Variants in POC1B observed in about 807,000 individuals in gnomAD.
POC1B encodes POC1 centriolar protein B, also known as POC1 centriolar protein homolog B.
POC1B carries 44 observed loss-of-function variants against 60.6 expected under a neutral mutation model. The ratio of observed to expected loss-of-function variants is 0.73; its 90% CI spans 0.57 to 0.93. POC1B has a LOEUF of 0.93. Among genes scored for constraint, POC1B ranks in the 40% least tolerant of loss-of-function variants. The pLI is 0.00. For synonymous variants in POC1B, 180 were observed against 198.9 expected (o/e 0.90, Z 0.80); for missense variants, 555 against 572.3 (o/e 0.97, Z 0.31).
chr12:89,424,288 T>C (rs922388066), intron 11 of POC1B, among the ~76,000 whole-genome samples: 1 of 152,210 alleles, frequency 6.6e-6, no homozygotes, highest in Non-Finnish European at 1.5e-5. Context: ...CCCAGACCAA[T>C]GGAAATGGAC....
chr12:89,481,483 T>G, intron 4 of POC1B, among the ~76,000 whole-genome samples: 1 of 152,114 alleles, frequency 6.6e-6, no homozygotes, highest in South Asian at 2.1e-4. Context: ...TAAATCTTAG[T>G]ACATGGAAGT....
chr12:89,506,136 C>T (rs963455064), intron 2 of POC1B, among the ~76,000 whole-genome samples: 1 of 152,158 alleles, frequency 6.6e-6, no homozygotes, highest in African/African-American at 2.4e-5. Flanking sequence ...ATATACCCCG[C>T]CTGGAGCCCA....
chr12:89,414,897 G>A (rs1453252058), downstream of POC1B, among the ~76,000 whole-genome samples: 1 of 152,150 alleles, frequency 6.6e-6, no homozygotes, highest in Non-Finnish European at 1.5e-5. Flanking sequence ...TTAAGTGAGG[G>A]TCCGTACTAT....
rs1277765668 is a variant in POC1B, at chr12:89,500,783, A to T, written c.101-3441T>A. ...AAATAGATAATAAAGTATCAGATAAAGAGGATAAAACATCAGAAGGACAAG... is the reference window on the plus strand; with the variant it reads ...AAATAGATAATAAAGTATCAGATAATGAGGATAAAACATCAGAAGGACAAG... On this transcript the variant is annotated intron_variant, in intron 2 of 11. Coordinates refer to ENST00000313546, the MANE Select transcript of POC1B (RefSeq NM_172240.3). 6.8e-6 allele frequency: 7 copies of T among 1,023,496 alleles called. No individual in the cohort carries two copies. The Admixed American group carries it at 1.3e-4, about 19-fold the overall frequency. 63.4% of individuals were successfully genotyped at this position (1,023,496 alleles called of 1,614,324 possible).
At chr12:89,466,626 T>C (rs918308261) in intron 9 of POC1B, 144 bp downstream of exon 9, 15 of 713,296 alleles carry the variant, frequency 2.1e-5, no homozygotes, top group East Asian at 2.0e-4. Flanking sequence ...TTACACACTA[T>C]AGTGAAAACA....
chr12:89,512,915 G>A (rs1870256409), intron 2 of POC1B, among the ~76,000 whole-genome samples: 1 of 152,138 alleles, frequency 6.6e-6, no homozygotes, highest in South Asian at 2.1e-4. Context: ...CCAAAGCCTA[G>A]GCTTTTAACC....
chr12:89,451,590 A>G (rs1882042382), intron 10 of POC1B, among the ~76,000 whole-genome samples: 1 of 152,226 alleles, frequency 6.6e-6, no homozygotes. Context: ...AAGACATGGA[A>G]AGAACTAGGC....
intron 10 of POC1B, chr12:89,426,971 TC>T (rs1485705503): frequency 1.3e-5 from 2 of 152,120 alleles, no homozygotes; most frequent in African/African-American, 4.8e-5. Flanking sequence ...ATGGCAATAC[TC>T]CCCACATTGA....
Position 89,420,360 on chromosome 12 carries a change from C to G in POC1B, c.*793G>C, listed in dbSNP as rs1880479255. 1 of 152,144 alleles carries G rather than the reference C, an allele frequency of 6.6e-6. No individual in the cohort carries two copies. Among genetic ancestry groups the G allele is most frequent in the Non-Finnish European group, 1.5e-5 (1 of 68,014 alleles). The allele number at this position is 152,144 out of a possible 1,614,324, so 9.4% of individuals were successfully genotyped here. A position where few individuals can be genotyped will look rare whatever the true frequency, so the allele number is the denominator to read the frequency against. ...CATGTGTGTATATTTTTAAATATCACTTTTGTATCACTCTGACTTTTTAGC... is the reference window on the plus strand; with the variant it reads ...CATGTGTGTATATTTTTAAATATCAGTTTTGTATCACTCTGACTTTTTAGC... On this transcript the variant is annotated 3_prime_UTR_variant, in exon 12 of 12. Transcript: ENST00000313546.
rs533283919 is a variant in POC1B at position 89,452,685 on chromosome 12, T to C, written c.1113+6953A>G. On this transcript the variant is annotated intron_variant, in intron 10 of 11. Transcript: ENST00000313546. ...TTATTACTATTTTTATTAAAAAGCA[T>C]ATTTTATTTGAAGGGGGGGAAAAGA... Among the ~76,000 whole-genome samples, 26 of 152,252 alleles carry C rather than the reference T, an allele frequency of 1.7e-4. No homozygotes were observed. The South Asian group carries it at 5.4e-3, about 32-fold the overall frequency.
intron 11 of POC1B, among the ~76,000 whole-genome samples, chr12:89,422,634 G>A (rs545107310): frequency 6.6e-5 from 10 of 152,322 alleles, no homozygotes; most frequent in African/African-American, 2.2e-4. Flanking sequence ...ATGTCATAGT[G>A]ACTCAATGTC....
the POC1B span, among the ~76,000 whole-genome samples, chr12:89,405,988 G>GT: frequency 0.046 from 5,667 of 122,226 alleles, 323 homozygotes; most frequent in East Asian, 0.13. Flanking sequence ...AGTTTTGAGT[G>GT]TTTTTTTTTT....
chr12:89,422,641 T>C (rs947057760), intron 11 of POC1B, among the ~76,000 whole-genome samples: 1 of 152,236 alleles, frequency 6.6e-6, no homozygotes, highest in Admixed American at 6.5e-5. Context: ...AGTGACTCAA[T>C]GTCTATATCT....
At chr12:89,525,785 A>G (rs1489938114) in intron 1 of POC1B, 96 bp downstream of exon 1, 3 of 1,381,478 alleles carry the variant, frequency 2.2e-6, no homozygotes, top group Non-Finnish European at 2.8e-6. Context: ...ACCTGCCTCC[A>G]TCTCCCTCCA....
At chr12:89,466,736 CA>C in intron 9 of POC1B, 33 bp downstream of exon 9, 1 of 1,564,284 alleles carries the variant, frequency 6.4e-7, no homozygotes, top group Non-Finnish European at 8.7e-7. Context: ...AAAATGTACA[CA>C]AAATGTAGGA....
chr12:89,479,749 C>T (rs1238906236), intron 4 of POC1B, among the ~76,000 whole-genome samples: 2 of 151,950 alleles, frequency 1.3e-5, no homozygotes, highest in Non-Finnish European at 2.9e-5. Flanking sequence ...CCATGGCATA[C>T]ATTTAAAATT....
At chr12:89,472,929 A>G (rs1300770854) in intron 4 of POC1B, among the ~76,000 whole-genome samples, 1 of 152,246 alleles carries the variant, frequency 6.6e-6, no homozygotes, top group Non-Finnish European at 1.5e-5. Context: ...AATCTCAGAC[A>G]TCTTGTCTGC....
chr12:89,498,171 T>C (rs1210774956), intron 2 of POC1B, among the ~76,000 whole-genome samples: 1 of 152,230 alleles, frequency 6.6e-6, no homozygotes, highest in East Asian at 1.9e-4. Context: ...ATAAGATGAT[T>C]TTATTAGTCT....
At chr12:89,436,723 AC>A (rs1226802395) in intron 10 of POC1B, among the ~76,000 whole-genome samples, 2 of 152,098 alleles carry the variant, frequency 1.3e-5, no homozygotes, top group African/African-American at 2.4e-5. Context: ...CAAAAAAAAA[AC>A]AACCAAAAAA....
Sources: gnomAD v4.1 joint callset for allele counts (sites outside exome capture counted in the v4.1 genomes callset) on GRCh38, gnomAD v4.1.1 for gene constraint, MANE v1.5 for transcripts, NCBI Gene and HGNC (gene_info 2026-07-23, HGNC 2026-07-21) for gene names.